The following LHFPL3 variants were observed in gnomAD, a reference collection of about 807,000 sequenced individuals.
The protein encoded by LHFPL3 is LHFPL tetraspan subfamily member 3, also known as LHFPL tetraspan subfamily member 3 protein.
LHFPL3 carries 5 observed loss-of-function variants against 19.3 expected under a neutral mutation model. The observed-to-expected ratio is 0.26, with a 90% CI of 0.14 to 0.54. The LOEUF is 0.54. Among genes scored for constraint, LHFPL3 ranks in the 20% least tolerant of loss-of-function variants. The pLI is 0.94. For missense variants in LHFPL3, 249 were observed against 307.4 expected (o/e 0.81, Z 1.42); for synonymous variants, 133 against 126.2 (o/e 1.05, Z -0.36).
intron 1 of LHFPL3, among the ~76,000 whole-genome samples, chr7:104,625,261 T>G (rs187602053): frequency 2.3e-4 from 35 of 152,362 alleles, no homozygotes; most frequent in African/African-American, 7.7e-4. Flanking sequence ...AAGGTGTCCT[T>G]TCATTCTGAA....
intron 1 of LHFPL3, among the ~76,000 whole-genome samples, chr7:104,446,606 C>T (rs886495230): frequency 2.0e-5 from 3 of 151,974 alleles, no homozygotes; most frequent in African/African-American, 7.3e-5. Context: ...GATGGAGTCT[C>T]ACTCTGTTGC....
intron 2 of LHFPL3, among the ~76,000 whole-genome samples, chr7:104,858,704 C>G (rs190031720): frequency 3.9e-5 from 6 of 152,304 alleles, no homozygotes; most frequent in Middle Eastern, 3.4e-3. Context: ...ATATTCTCAT[C>G]TCTGTATCTG....
chr7:104,667,115 T>C (rs1792369193), intron 1 of LHFPL3, among the ~76,000 whole-genome samples: 2 of 152,208 alleles, frequency 1.3e-5, no homozygotes, highest in African/African-American at 4.8e-5. Context: ...ATACCAGTAG[T>C]GTATAAGAGT....
intron 1 of LHFPL3, among the ~76,000 whole-genome samples, chr7:104,434,337 G>A (rs1792059909): frequency 6.6e-6 from 1 of 152,228 alleles, no homozygotes; most frequent in Non-Finnish European, 1.5e-5. Context: ...GCCAGCAATA[G>A]ATTAATTTAT....
intron 1 of LHFPL3, among the ~76,000 whole-genome samples, chr7:104,448,707 C>G (rs1322998872): frequency 6.6e-6 from 1 of 152,100 alleles, no homozygotes; most frequent in African/African-American, 2.4e-5. Context: ...TGAATAGTCT[C>G]TCAGTGTTAG....
chr7:104,828,291 G>C (rs928160107), intron 2 of LHFPL3, among the ~76,000 whole-genome samples: 4 of 151,890 alleles, frequency 2.6e-5, no homozygotes, highest in Non-Finnish European at 4.4e-5. Context: ...CAGGGCTCCT[G>C]AGTCTCTGTC....
intron 1 of LHFPL3, among the ~76,000 whole-genome samples, chr7:104,558,555 G>T (rs1361460501): frequency 6.6e-6 from 1 of 151,424 alleles, no homozygotes; most frequent in Non-Finnish European, 1.5e-5. Context: ...ATTTGTTTGA[G>T]TTCATTGTAG....
intron 1 of LHFPL3, among the ~76,000 whole-genome samples, chr7:104,518,522 T>C (rs1432102215): frequency 1.3e-5 from 2 of 152,002 alleles, no homozygotes; most frequent in African/African-American, 4.8e-5. Flanking sequence ...TGGACACATT[T>C]AAAAGTGCAA....
chr7:104,342,327 C>T (rs73713099), intron 1 of LHFPL3, among the ~76,000 whole-genome samples: 5,977 of 151,710 alleles, frequency 0.039, 366 homozygotes, highest in African/African-American at 0.14. Flanking sequence ...GTTGGAAATC[C>T]CATTTCTTGG....
intron 2 of LHFPL3, among the ~76,000 whole-genome samples, chr7:104,831,076 A>G (rs1202354715): frequency 6.6e-6 from 1 of 151,970 alleles, no homozygotes; most frequent in Non-Finnish European, 1.5e-5. Context: ...ATTCTTTTGA[A>G]AATGTTTTTC....
chr7:104,390,336 C>G (rs1210552953), intron 1 of LHFPL3, among the ~76,000 whole-genome samples: 3 of 151,916 alleles, frequency 2.0e-5, no homozygotes, highest in Non-Finnish European at 2.9e-5. Context: ...ATCCCTCCCC[C>G]CTGCCCCCAC....
intron 2 of LHFPL3, among the ~76,000 whole-genome samples, chr7:104,894,123 C>T (rs1161534067): frequency 6.6e-6 from 1 of 152,172 alleles, no homozygotes; most frequent in Non-Finnish European, 1.5e-5. Context: ...CAACAAACAG[C>T]AGAGCCGGAC....
chr7:104,846,210 A>G (rs1791310322), intron 2 of LHFPL3, among the ~76,000 whole-genome samples: 1 of 152,170 alleles, frequency 6.6e-6, no homozygotes, highest in African/African-American at 2.4e-5. Context: ...AATATGTGAT[A>G]AACTGGATTT....
intron 1 of LHFPL3, among the ~76,000 whole-genome samples, chr7:104,437,985 C>T (rs1792144913): frequency 6.6e-6 from 1 of 152,168 alleles, no homozygotes. Context: ...TGACCAGCCA[C>T]CATACAGGAG....
At chr7:104,571,515 C>G (rs1333270798) in intron 1 of LHFPL3, among the ~76,000 whole-genome samples, 1 of 152,166 alleles carries the variant, frequency 6.6e-6, no homozygotes, top group Non-Finnish European at 1.5e-5. Flanking sequence ...CCTTGAAGTT[C>G]CTGGCAAGTG....
chr7:104,371,635 T>C (rs1392483214), intron 1 of LHFPL3, among the ~76,000 whole-genome samples: 2 of 112,036 alleles, frequency 1.8e-5, no homozygotes, highest in Non-Finnish European at 3.7e-5. Flanking sequence ...ACTGAGAAAT[T>C]AGGCAAATTT....
At chr7:104,875,648 G>C (rs895598527) in intron 2 of LHFPL3, among the ~76,000 whole-genome samples, 2 of 152,268 alleles carry the variant, frequency 1.3e-5, no homozygotes, top group East Asian at 3.8e-4. Flanking sequence ...AGATTTGTCA[G>C]ACCTTAACAA....
At chr7:104,692,934 T>C (rs1792930351) in intron 1 of LHFPL3, among the ~76,000 whole-genome samples, 1 of 151,974 alleles carries the variant, frequency 6.6e-6, no homozygotes, top group African/African-American at 2.4e-5. Context: ...ACCATGCAAC[T>C]AGAAAAGCCA....
intron 1 of LHFPL3, among the ~76,000 whole-genome samples, chr7:104,334,374 T>C (rs1222929016): frequency 4.6e-5 from 7 of 152,084 alleles, no homozygotes; most frequent in African/African-American, 1.4e-4. Flanking sequence ...TGGTGAAACC[T>C]TGTCTCTACT....
Sources: allele counts gnomAD v4.1 joint callset (sites outside exome capture counted in the v4.1 genomes callset), GRCh38; gene constraint gnomAD v4.1.1; transcripts MANE v1.5; gene names NCBI Gene and HGNC (gene_info 2026-07-23, HGNC 2026-07-21).